Variants in CERS6 observed in about 807,000 individuals in gnomAD.
CERS6 encodes LAG1 homolog, ceramide synthase 6.
A neutral mutation model predicts 56.8 loss-of-function variants in CERS6; 26 were observed. That is an observed-to-expected ratio of 0.46 (90% CI 0.34 to 0.63). The LOEUF (loss-of-function observed/expected upper bound fraction) is 0.63, where lower values mean the gene tolerates loss of function less well. Ranked by LOEUF, CERS6 falls within the 30% of genes least tolerant of loss-of-function variation. The probability of loss-of-function intolerance (pLI) is 0.01; values close to 1 mark genes in which losing one functional copy is unlikely to be tolerated. For synonymous variants in CERS6, 164 were observed against 173.3 expected (o/e 0.95, Z 0.42); for missense variants, 415 against 467.5 (o/e 0.89, Z 1.04).
chr2:168,559,733 T>TTATATATATATATA (rs61031993), intron 2 of CERS6, among the ~76,000 whole-genome samples: 2,239 of 66,254 alleles, frequency 0.034, 538 homozygotes, highest in African/African-American at 0.05. Flanking sequence ...TAGAAAGGTA[T>TTATATATATATATA]CATATATATA....
intron 3 of CERS6, among the ~76,000 whole-genome samples, chr2:168,572,940 T>C (rs1019590955): frequency 7.9e-5 from 12 of 152,170 alleles, no homozygotes; most frequent in African/African-American, 2.9e-4. Flanking sequence ...AGTGAATCTC[T>C]AGGGACTAGA....
intron 8 of CERS6, among the ~76,000 whole-genome samples, chr2:168,725,180 C>T (rs1683313556): frequency 2.0e-5 from 3 of 152,342 alleles, no homozygotes; most frequent in Admixed American, 6.5e-5. Context: ...CAGGGCCGGC[C>T]GGCTGCTTCA....
intron 4 of CERS6, among the ~76,000 whole-genome samples, chr2:168,640,227 C>T (rs1053693010): frequency 6.6e-6 from 1 of 152,108 alleles, no homozygotes; most frequent in Non-Finnish European, 1.5e-5. Flanking sequence ...AATTTCTGTG[C>T]CCTTAGGACC....
intron 8 of CERS6, among the ~76,000 whole-genome samples, chr2:168,743,319 A>G (rs1178350686): frequency 1.3e-5 from 2 of 151,962 alleles, no homozygotes; most frequent in African/African-American, 4.8e-5. Context: ...GCAACAATGA[A>G]TTACTAGTTG....
chr2:168,575,703 C>A (rs577132149), intron 3 of CERS6, among the ~76,000 whole-genome samples: 5 of 152,206 alleles, frequency 3.3e-5, no homozygotes, highest in African/African-American at 4.8e-5. Flanking sequence ...GGACTCCCTT[C>A]TTGAACAAGT....
At chr2:168,696,244 A>G (rs186662065) in intron 6 of CERS6, among the ~76,000 whole-genome samples, 58 of 152,324 alleles carry the variant, frequency 3.8e-4, no homozygotes, top group African/African-American at 1.1e-3. Flanking sequence ...GACTGAAGAC[A>G]TGGTCTTCTA....
chr2:168,708,557 A>G (rs954356514), intron 6 of CERS6, among the ~76,000 whole-genome samples: 1 of 152,124 alleles, frequency 6.6e-6, no homozygotes, highest in African/African-American at 2.4e-5. Context: ...TGTTTCCTAG[A>G]CAGTCTGAAA....
At chr2:168,653,293 G>A (rs559855812) in intron 4 of CERS6, among the ~76,000 whole-genome samples, 52 of 152,310 alleles carry the variant, frequency 3.4e-4, no homozygotes, top group African/African-American at 1.3e-3. Flanking sequence ...GCTCTCCACA[G>A]CTACCATTTC....
chr2:168,547,488 T>A, intron 1 of CERS6, 108 bp from the exon 2 acceptor site: 1 of 601,732 alleles, frequency 1.7e-6, no homozygotes, highest in Non-Finnish European at 2.9e-6. Context: ...CATGAAATCC[T>A]ACCAACACTT....
chr2:168,613,793 C>T (rs753412895), intron 3 of CERS6, among the ~76,000 whole-genome samples: 3 of 152,184 alleles, frequency 2.0e-5, no homozygotes, highest in African/African-American at 7.2e-5. Flanking sequence ...GACCAGAAAT[C>T]ATGATGCTCG....
intron 4 of CERS6, among the ~76,000 whole-genome samples, chr2:168,632,478 T>A (rs1316727033): frequency 6.6e-6 from 1 of 152,218 alleles, no homozygotes. Flanking sequence ...AGTCTTTTCC[T>A]TTGGTAACTG....
At chr2:168,641,885 G>C (rs1252443469) in intron 4 of CERS6, among the ~76,000 whole-genome samples, 1 of 51,466 alleles carries the variant, frequency 1.9e-5, no homozygotes, top group Admixed American at 2.9e-4. Context: ...TCATACTTGA[G>C]TAATGGAATA....
intron 6 of CERS6, among the ~76,000 whole-genome samples, chr2:168,701,092 T>TG (rs1686794623): frequency 6.6e-6 from 1 of 152,178 alleles, no homozygotes; most frequent in African/African-American, 2.4e-5. Flanking sequence ...ACACTGGAGA[T>TG]GGGGGCTGCT....
intron 2 of CERS6, among the ~76,000 whole-genome samples, chr2:168,556,467 T>C (rs1293764372): frequency 6.6e-6 from 1 of 152,196 alleles, no homozygotes; most frequent in Non-Finnish European, 1.5e-5. Flanking sequence ...ACATGACAGA[T>C]GTATTTGTAT....
rs573888585 is a variant in CERS6 at position 168,549,567 on chromosome 2, G to A, written c.276+1866G>A. Among the ~76,000 whole-genome samples, 8 of 152,246 alleles carry A rather than the reference G, an allele frequency of 5.3e-5. 1 individual carries two copies. In the East Asian group the frequency reaches 9.7e-4, roughly 18 times the overall value. ...GGAGAATGGCTTGAACCCAGGAGGC[G>A]GAGGTTGCAGTGAGCAGAGATCACG... On this transcript the variant is annotated intron_variant, in intron 2 of 9. Coordinates refer to ENST00000305747, the MANE Select transcript of CERS6 (RefSeq NM_203463.3).
intron 1 of CERS6, among the ~76,000 whole-genome samples, chr2:168,478,921 A>C (rs768997624): frequency 6.6e-6 from 1 of 152,188 alleles, no homozygotes; most frequent in Non-Finnish European, 1.5e-5. Context: ...TGAATATTTC[A>C]TTATGTTTTT....
rs1693677867 is a variant in CERS6, at chr2:168,456,955, G to A, written c.170+337G>A. On this transcript the variant is annotated intron_variant, in intron 1 of 9. Coordinates refer to ENST00000305747, the MANE Select transcript of CERS6 (RefSeq NM_203463.3). The surrounding 1 kb of genome is among the most constrained non-coding windows in gnomAD (Gnocchi z 4.1). ...GGGCTCAGGACCCGCCGCATTCCGC[G>A]GGGCTCGCCCCTCTCCGCCGGCGCG... Among the ~76,000 whole-genome samples the A allele has an allele frequency of 6.6e-6, 1 of 152,220 alleles. No homozygotes were observed. Among genetic ancestry groups the A allele is most frequent in the South Asian group, 2.1e-4 (1 of 4,832 alleles).
At chr2:168,534,428 T>G (rs1695222394) in intron 1 of CERS6, among the ~76,000 whole-genome samples, 1 of 151,054 alleles carries the variant, frequency 6.6e-6, no homozygotes, top group Non-Finnish European at 1.5e-5. Context: ...TTTTAATTGT[T>G]GATGCTGTTG....
chr2:168,739,413 G>A (rs191815847), intron 8 of CERS6, among the ~76,000 whole-genome samples: 2 of 152,150 alleles, frequency 1.3e-5, no homozygotes, highest in East Asian at 3.9e-4. Flanking sequence ...TAGAGTCTAA[G>A]GTTGGTCATG....
Sources: allele counts gnomAD v4.1 joint callset (sites outside exome capture counted in the v4.1 genomes callset), GRCh38; gene constraint gnomAD v4.1.1; non-coding constraint Gnocchi (gnomAD v3.1); transcripts MANE v1.5; gene names NCBI Gene and HGNC (gene_info 2026-07-23, HGNC 2026-07-21).